The following DAB1 variants were observed in gnomAD, a reference collection of about 807,000 sequenced individuals.
DAB1 encodes DAB adaptor protein 1, also known as disabled homolog 1.
DAB1 carries 15 observed loss-of-function variants against 64.6 expected under a neutral mutation model. The observed-to-expected ratio is 0.23, with a 90% CI of 0.16 to 0.36. The LOEUF is 0.36. Ranked by LOEUF, DAB1 falls within the 10% of genes least tolerant of loss-of-function variation. DAB1 has a pLI of 1.00. For missense variants in DAB1, 596 were observed against 706.7 expected (o/e 0.84, Z 1.78); for synonymous variants, 235 against 251.9 (o/e 0.93, Z 0.64).
intron 7 of DAB1, among the ~76,000 whole-genome samples, chr1:57,513,108 C>A (rs1283454820): frequency 1.3e-5 from 2 of 151,618 alleles, no homozygotes; most frequent in Admixed American, 1.3e-4. Context: ...TGGCTGAGCA[C>A]AAATTTAGGC....
chr1:58,239,085 G>A (rs1012044855), intron 4 of DAB1, among the ~76,000 whole-genome samples: 3 of 152,066 alleles, frequency 2.0e-5, no homozygotes, highest in Admixed American at 6.6e-5. Context: ...GGACCCTCCC[G>A]GAATGCTGTA....
chr1:57,696,273 T>C (rs2101723661), intron 6 of DAB1, among the ~76,000 whole-genome samples: 1 of 152,250 alleles, frequency 6.6e-6, no homozygotes, highest in Middle Eastern at 3.4e-3. Context: ...GAAACAGGCC[T>C]GAGATGGAAA....
intron 1 of DAB1, among the ~76,000 whole-genome samples, chr1:57,411,696 T>G (rs1246601781): frequency 6.6e-6 from 1 of 152,090 alleles, no homozygotes; most frequent in Non-Finnish European, 1.5e-5. Flanking sequence ...TTAGCTCCAT[T>G]CCCTACTCCG....
chr1:57,650,874 A>G (rs1354425065), intron 6 of DAB1, among the ~76,000 whole-genome samples: 1 of 152,152 alleles, frequency 6.6e-6, no homozygotes, highest in African/African-American at 2.4e-5. Context: ...AGTGCCTCTG[A>G]TGACGTTTTT....
intron 4 of DAB1, among the ~76,000 whole-genome samples, chr1:58,313,820 T>C (rs1662483879): frequency 2.4e-5 from 1 of 42,544 alleles, no homozygotes; most frequent in Non-Finnish European, 4.5e-5. Flanking sequence ...TGTATCTTCA[T>C]GTGTGTGTGT....
intron 2 of DAB1, among the ~76,000 whole-genome samples, chr1:57,266,388 T>C (rs1409494147): frequency 1.3e-5 from 2 of 152,216 alleles, no homozygotes; most frequent in Middle Eastern, 3.2e-3. Context: ...CAAAACACTA[T>C]GATTCCTTGC....
chr1:58,089,044 T>C (rs1391037765), intron 5 of DAB1, among the ~76,000 whole-genome samples: 2 of 152,238 alleles, frequency 1.3e-5, no homozygotes, highest in Non-Finnish European at 2.9e-5. Context: ...AAATAGGGCA[T>C]GGGCCCTCTG....
chr1:57,225,965 A>G (rs1490616357), intron 2 of DAB1, among the ~76,000 whole-genome samples: 2 of 152,130 alleles, frequency 1.3e-5, no homozygotes, highest in Non-Finnish European at 2.9e-5. Flanking sequence ...TCCCACAACA[A>G]TGGGTGCAGC....
intron 5 of DAB1, among the ~76,000 whole-genome samples, chr1:58,024,666 G>A (rs963468221): frequency 2.6e-5 from 4 of 152,154 alleles, no homozygotes; most frequent in Admixed American, 6.5e-5. Flanking sequence ...GCCACAAGGT[G>A]CCCAAACATT....
chr1:58,280,288 CTCTT>C (rs1394915744), intron 4 of DAB1, among the ~76,000 whole-genome samples: 1 of 152,156 alleles, frequency 6.6e-6, no homozygotes, highest in Non-Finnish European at 1.5e-5. Flanking sequence ...GATCTCCTGT[CTCTT>C]TCTGGGCATT....
chr1:57,204,718 T>A (rs553915715), intron 2 of DAB1, among the ~76,000 whole-genome samples: 1 of 152,336 alleles, frequency 6.6e-6, no homozygotes, highest in South Asian at 2.1e-4. Flanking sequence ...TAGATTAAAA[T>A]GTACGTAAAG....
At chr1:58,296,221 GAAAGAAAGAA>G (rs1405897597) in intron 4 of DAB1, among the ~76,000 whole-genome samples, 9 of 148,588 alleles carry the variant, frequency 6.1e-5, no homozygotes, top group African/African-American at 2.0e-4. Flanking sequence ...AAGAAAGAAA[GAAAGAAAGAA>G]AGAAAGAAAG....
chr1:57,307,079 T>C (rs781175590), intron 1 of DAB1: 1 of 152,174 alleles, frequency 6.6e-6, no homozygotes, highest in East Asian at 1.9e-4. Flanking sequence ...AAGGAAAGGA[T>C]CTTGCAGTTT....
chr1:57,077,781 G>GT (rs67967650), intron 4 of DAB1, among the ~76,000 whole-genome samples: 69,421 of 151,452 alleles, frequency 0.46, 16,012 homozygotes, highest in Admixed American at 0.54. Context: ...TTTACCATTA[G>GT]TTTTTTTTAA....
At chr1:57,609,859 A>G (rs1056487866) in intron 7 of DAB1, among the ~76,000 whole-genome samples, 3 of 152,172 alleles carry the variant, frequency 2.0e-5, no homozygotes, top group African/African-American at 4.8e-5. Context: ...TACATCTCAA[A>G]TTTATGATCA....
At chr1:58,369,925 T>G (rs1203135186) in intron 3 of DAB1, among the ~76,000 whole-genome samples, 1 of 152,214 alleles carries the variant, frequency 6.6e-6, no homozygotes, top group African/African-American at 2.4e-5. Flanking sequence ...CCATAAAAAA[T>G]ATGGGAAAAC....
chr1:57,516,353 AAAG>A (rs3074846), intron 7 of DAB1, among the ~76,000 whole-genome samples: 10,636 of 152,268 alleles, frequency 0.07, 1,155 homozygotes, highest in African/African-American at 0.23. Flanking sequence ...CAAAGAAGGA[AAAG>A]AAGATTATAC....
At chr1:57,777,559 G>GT (rs1649868843) in intron 6 of DAB1, among the ~76,000 whole-genome samples, 1 of 151,640 alleles carries the variant, frequency 6.6e-6, no homozygotes, top group African/African-American at 2.4e-5. Flanking sequence ...TTAATCTGCT[G>GT]TTAAAATTTT....
chr1:57,397,537 C>T (rs1682910012), intron 1 of DAB1, among the ~76,000 whole-genome samples: 1 of 152,196 alleles, frequency 6.6e-6, no homozygotes, highest in Non-Finnish European at 1.5e-5. Flanking sequence ...CAGTGCTGGG[C>T]TCTGAGGAAA....
Sources: allele counts gnomAD v4.1 joint callset (sites outside exome capture counted in the v4.1 genomes callset), GRCh38; gene constraint gnomAD v4.1.1; transcripts MANE v1.5; gene names NCBI Gene and HGNC (gene_info 2026-07-23, HGNC 2026-07-21).